STIM2: variants seen among roughly 807,000 people sequenced by gnomAD.
STIM2 encodes stromal interaction molecule 2.
Under a neutral mutation model 85.8 loss-of-function variants are expected in STIM2, and 31 were observed. That is an observed-to-expected ratio of 0.36 (90% CI 0.27 to 0.49). STIM2 has a LOEUF of 0.49. Among genes scored for constraint, STIM2 ranks in the 20% least tolerant of loss-of-function variants. The pLI, the probability that STIM2 is intolerant of heterozygous loss-of-function variation, is 0.98. For synonymous variants in STIM2, 356 were observed against 331.1 expected (o/e 1.08, Z -0.82); for missense variants, 841 against 927.6 (o/e 0.91, Z 1.21).
At chr4:26,993,635 A>G (rs1233670089) in intron 3 of STIM2, among the ~76,000 whole-genome samples, 3 of 152,138 alleles carry the variant, frequency 2.0e-5, no homozygotes, top group Non-Finnish European at 4.4e-5. Flanking sequence ...TCTGTAGTCT[A>G]TAAGCATTAA....
At chr4:26,904,844 A>G (rs1054615972) in intron 1 of STIM2, among the ~76,000 whole-genome samples, 1 of 151,958 alleles carries the variant, frequency 6.6e-6, no homozygotes, top group East Asian at 1.9e-4. Context: ...AGAAAAATGT[A>G]AAGGATGAAT....
At chr4:26,882,250 A>G (rs756302514) in intron 1 of STIM2, among the ~76,000 whole-genome samples, 7 of 152,164 alleles carry the variant, frequency 4.6e-5, no homozygotes, top group Non-Finnish European at 1.0e-4. Flanking sequence ...ATGTGCTATC[A>G]TGAAAAGGGT....
At chr4:26,957,480 C>T (rs566158402) in intron 2 of STIM2, 132 bp from the exon 3 acceptor site, 86 of 489,618 alleles carry the variant, frequency 1.8e-4, no homozygotes, top group African/African-American at 1.7e-3. Context: ...AATAATGTGA[C>T]TACAATACCA....
intron 10 of STIM2, among the ~76,000 whole-genome samples, chr4:27,014,131 A>G (rs1728651695): frequency 6.6e-6 from 1 of 151,750 alleles, no homozygotes. Flanking sequence ...TCAGGCTGAC[A>G]GTTTGTCTAT....
chr4:26,957,935 A>G (rs1023032870), intron 3 of STIM2, among the ~76,000 whole-genome samples: 3 of 152,192 alleles, frequency 2.0e-5, no homozygotes, highest in African/African-American at 4.8e-5. Context: ...GGCTGTTCTC[A>G]TATAATTATA....
chr4:26,861,582 G>C (rs949590189), intron 1 of STIM2: 4 of 612,016 alleles, frequency 6.5e-6, no homozygotes, highest in Admixed American at 4.6e-5. Context: ...GCCTCTCGAC[G>C]GCACTGATTC....
chr4:26,938,809 GTTAT>G (rs958730175), intron 2 of STIM2, among the ~76,000 whole-genome samples: 42 of 152,170 alleles, frequency 2.8e-4, no homozygotes, highest in African/African-American at 9.7e-4. Context: ...GAGAGATTAA[GTTAT>G]TTAAGTTACA....
chr4:26,928,555 T>C (rs956072651), intron 2 of STIM2, among the ~76,000 whole-genome samples: 28 of 152,182 alleles, frequency 1.8e-4, no homozygotes, highest in Non-Finnish European at 4.4e-5. Context: ...TTTACTTTTA[T>C]AGAGATGAGA....
At chr4:26,933,521 G>A (rs1400085916) in intron 2 of STIM2, among the ~76,000 whole-genome samples, 1 of 151,984 alleles carries the variant, frequency 6.6e-6, no homozygotes, top group Non-Finnish European at 1.5e-5. Flanking sequence ...CTTTCTATAG[G>A]TCAAAAGTGG....
chr4:27,001,594 G>A (rs1728158355), intron 5 of STIM2, among the ~76,000 whole-genome samples: 1 of 152,090 alleles, frequency 6.6e-6, no homozygotes, highest in Non-Finnish European at 1.5e-5. Context: ...CGCACTGTAG[G>A]GTGTTCAGCA....
chr4:26,941,892 A>G (rs1280783878), intron 2 of STIM2, among the ~76,000 whole-genome samples: 2 of 152,146 alleles, frequency 1.3e-5, no homozygotes. Flanking sequence ...TACACACTCA[A>G]TTGTATTAAT....
chr4:26,943,538 A>G (rs149455689), intron 2 of STIM2, among the ~76,000 whole-genome samples: 2 of 152,270 alleles, frequency 1.3e-5, no homozygotes, highest in East Asian at 3.9e-4. Flanking sequence ...CAGTGACAAA[A>G]TGTTCCATGT....
chr4:26,860,870 A>T lies in STIM2; in HGVS notation c.-349A>T, dbSNP rs1392699429. The T allele has an allele frequency of 1.1e-6, 1 of 882,014 alleles. No homozygotes were observed. The highest frequency in any genetic ancestry group is 1.9e-5 in the African/African-American group (1 of 54,042). 54.6% of individuals were successfully genotyped at this position (882,014 alleles called of 1,614,324 possible). On this transcript the variant is annotated 5_prime_UTR_variant, in exon 1 of 12. Transcript: ENST00000467087. The stretch of plus-strand genomic sequence containing the variant: ...CAGCGGATCCCGGTCTCGCCGCAGC[A>T]GCAGCGCGGGTGTCGTGCACCGCCT...
At chr4:26,873,577 A>G (rs1722708180) in intron 1 of STIM2, 1 of 449,952 alleles carries the variant, frequency 2.2e-6, no homozygotes, top group Non-Finnish European at 4.2e-6. Flanking sequence ...GGAAGCACAG[A>G]CATACTGGGT....
chr4:26,880,630 T>TATAAATATATATGTAAATATATAG (rs1722970293), intron 1 of STIM2, among the ~76,000 whole-genome samples: 1 of 147,156 alleles, frequency 6.8e-6, no homozygotes, highest in Non-Finnish European at 1.5e-5. Context: ...TAAATATATA[T>TATAAATATATATGTAAATATATAG]ATAAATATAT....
At chr4:26,945,840 T>C (rs1725817265) in intron 2 of STIM2, among the ~76,000 whole-genome samples, 1 of 152,140 alleles carries the variant, frequency 6.6e-6, no homozygotes, top group Admixed American at 6.6e-5. Context: ...CTTTTCGTAC[T>C]TTTCACTCAG....
intron 3 of STIM2, among the ~76,000 whole-genome samples, chr4:26,992,627 AG>A (rs1225309254): frequency 3.9e-5 from 6 of 152,164 alleles, no homozygotes; most frequent in Admixed American, 2.6e-4. Flanking sequence ...TGAAACAAAA[AG>A]GTGGAGGGAT....
intron 3 of STIM2, among the ~76,000 whole-genome samples, chr4:26,960,361 TTGTG>T (rs1323101136): frequency 2.0e-5 from 3 of 152,036 alleles, no homozygotes; most frequent in East Asian, 1.9e-4. Flanking sequence ...GTGTGTATGT[TTGTG>T]TGTATGTGTG....
chr4:26,953,419 C>A (rs1306678551), intron 2 of STIM2, among the ~76,000 whole-genome samples: 1 of 152,000 alleles, frequency 6.6e-6, no homozygotes, highest in Non-Finnish European at 1.5e-5. Context: ...ATTTTATTTT[C>A]CTCATTCTAC....
Sources: allele counts gnomAD v4.1 joint callset (sites outside exome capture counted in the v4.1 genomes callset), GRCh38; gene constraint gnomAD v4.1.1; transcripts MANE v1.5; gene names NCBI Gene and HGNC (gene_info 2026-07-23, HGNC 2026-07-21).